Variants in APBB2 observed in about 807,000 individuals in gnomAD.
The protein encoded by APBB2 is amyloid beta precursor protein binding family B member 2, also known as Fe65-like 1.
Under a neutral mutation model 82.5 loss-of-function variants are expected in APBB2, and 38 were observed. The ratio of observed to expected loss-of-function variants is 0.46; its 90% confidence interval spans 0.36 to 0.60. The LOEUF is 0.60. APBB2 is among the 20% of genes least tolerant of loss of function. APBB2 has a pLI of 0.00. For missense variants in APBB2, 772 were observed against 972.3 expected, an observed-to-expected ratio of 0.79 and a Z score of 2.74; for synonymous variants, 341 against 368.2, an observed-to-expected ratio of 0.93 and a Z score of 0.85.
intron 5 of APBB2, among the ~76,000 whole-genome samples, chr4:41,032,652 T>C (rs2154442159): frequency 6.6e-6 from 1 of 152,306 alleles, no homozygotes; most frequent in East Asian, 1.9e-4. Flanking sequence ...TTTGACAGTT[T>C]TAAGCTCCTG....
intron 15 of APBB2, 123 bp downstream of exon 15, chr4:40,825,764 G>T (rs1366969479): frequency 2.7e-6 from 2 of 740,536 alleles, no homozygotes; most frequent in Non-Finnish European, 4.8e-6. Flanking sequence ...GTGACAGTGT[G>T]ACAGTTTGAT....
At chr4:40,920,725 G>A (rs961758062) in intron 10 of APBB2, among the ~76,000 whole-genome samples, 5 of 152,170 alleles carry the variant, frequency 3.3e-5, no homozygotes, top group Non-Finnish European at 7.3e-5. Context: ...TATAAAATTA[G>A]CTGGGCATGG....
At chr4:40,878,082 C>G (rs1199482317) in intron 12 of APBB2, among the ~76,000 whole-genome samples, 2 of 148,468 alleles carry the variant, frequency 1.3e-5, no homozygotes, top group Non-Finnish European at 3.1e-5. Flanking sequence ...CTCGGTGGCT[C>G]ACGCCTGTAA....
chr4:40,880,609 G>C, intron 12 of APBB2: 2 of 985,434 alleles, frequency 2.0e-6, no homozygotes, highest in Non-Finnish European at 2.4e-6. Context: ...TTCCTGGGAT[G>C]CTCCAAGTAT....
At chr4:40,916,430 C>T (rs1779849453) in intron 10 of APBB2, among the ~76,000 whole-genome samples, 1 of 152,208 alleles carries the variant, frequency 6.6e-6, no homozygotes, top group Non-Finnish European at 1.5e-5. Flanking sequence ...GTGTCATGTT[C>T]CTAAGATAGT....
chr4:40,828,031 C>T (rs1750547166), intron 13 of APBB2, among the ~76,000 whole-genome samples: 1 of 152,096 alleles, frequency 6.6e-6, no homozygotes, highest in South Asian at 2.1e-4. Flanking sequence ...TCTCTCTTGC[C>T]TGCTGCCATG....
intron 12 of APBB2, among the ~76,000 whole-genome samples, chr4:40,849,127 G>A (rs1002344693): frequency 6.6e-6 from 1 of 151,880 alleles, no homozygotes; most frequent in African/African-American, 2.4e-5. Context: ...AAACAGTAGG[G>A]AGTTGGCTGG....
intron 4 of APBB2, among the ~76,000 whole-genome samples, chr4:41,050,254 C>G (rs897074076): frequency 6.6e-6 from 1 of 152,092 alleles, no homozygotes; most frequent in South Asian, 2.1e-4. Flanking sequence ...TTCCAAGGTA[C>G]AATACAGAAA....
chr4:41,111,773 A>G (rs552037676), intron 2 of APBB2, among the ~76,000 whole-genome samples: 3 of 152,254 alleles, frequency 2.0e-5, no homozygotes, highest in Non-Finnish European at 2.9e-5. Context: ...AGGTTGGTGA[A>G]TTTAGCAATT....
At chr4:40,989,462 A>G (rs866751621) in intron 6 of APBB2, among the ~76,000 whole-genome samples, 2 of 152,248 alleles carry the variant, frequency 1.3e-5, no homozygotes, top group African/African-American at 4.8e-5. Flanking sequence ...AACAATGTGC[A>G]GATGAGCTTA....
Position 41,032,903 on chromosome 4 carries a change from G to C in APBB2, c.19+333C>G, listed in dbSNP as rs1012273425. On this transcript the variant is annotated intron_variant, in intron 5 of 17. Transcript: ENST00000508593. The stretch of plus-strand genomic sequence containing the variant: ...GGGTTCACGCCATTCTCCTGCCTCA[G>C]CCTCCCGTGTAGCTGGGACTACAGG... Among the ~76,000 whole-genome samples, 4 of 141,306 alleles carry C rather than the reference G, an allele frequency of 2.8e-5. No individual in the cohort carries two copies. The Admixed American group carries it at 3.0e-4, about 11-fold the overall frequency. 92.7% of individuals were successfully genotyped at this position (141,306 alleles called of 152,430 possible).
intron 14 of APBB2, 56 bp downstream of exon 14, chr4:40,827,076 G>T: frequency 1.3e-6 from 2 of 1,513,960 alleles, no homozygotes; most frequent in Non-Finnish European, 1.8e-6. Flanking sequence ...AGAGCCTTCA[G>T]TCCTGGACCA....
At chr4:41,050,565 C>G (rs987590987) in intron 4 of APBB2, among the ~76,000 whole-genome samples, 1 of 152,204 alleles carries the variant, frequency 6.6e-6, no homozygotes, top group Non-Finnish European at 1.5e-5. Flanking sequence ...AAATTCCACA[C>G]GTCACCTGCA....
chr4:40,897,560 C>T (rs935913578), intron 10 of APBB2, among the ~76,000 whole-genome samples: 1 of 152,050 alleles, frequency 6.6e-6, no homozygotes, highest in Non-Finnish European at 1.5e-5. Flanking sequence ...TGAATATAAG[C>T]CTGACATATT....
intron 5 of APBB2, among the ~76,000 whole-genome samples, chr4:41,019,111 G>A (rs1459575777): frequency 6.6e-6 from 1 of 152,212 alleles, no homozygotes; most frequent in Non-Finnish European, 1.5e-5. Flanking sequence ...GAATGCAGAG[G>A]TGGGCAGAGA....
intron 10 of APBB2, among the ~76,000 whole-genome samples, chr4:40,910,950 A>C (rs964756389): frequency 6.6e-6 from 1 of 152,232 alleles, no homozygotes; most frequent in Non-Finnish European, 1.5e-5. Context: ...TTTTTATTGG[A>C]ATAATAGTAA....
chr4:41,114,129 T>A (rs1022809418), intron 2 of APBB2: 2 of 152,240 alleles, frequency 1.3e-5, no homozygotes, highest in Admixed American at 6.5e-5. Flanking sequence ...TCCACCACGA[T>A]CAAGTTGGCT....
chr4:40,995,056 A>G (rs1446937153), intron 6 of APBB2, among the ~76,000 whole-genome samples: 2 of 152,070 alleles, frequency 1.3e-5, no homozygotes, highest in African/African-American at 4.8e-5. Context: ...TCTCAAGGGA[A>G]AGAAGGACAG....
chr4:41,124,305 G>A (rs1345325435), intron 2 of APBB2, among the ~76,000 whole-genome samples: 2 of 151,998 alleles, frequency 1.3e-5, no homozygotes, highest in African/African-American at 2.4e-5. Context: ...TGCAAGCTCC[G>A]CCTCCCGCAT....
Sources: allele counts gnomAD v4.1 joint callset (sites outside exome capture counted in the v4.1 genomes callset), GRCh38; gene constraint gnomAD v4.1.1; transcripts MANE v1.5; gene names NCBI Gene and HGNC (gene_info 2026-07-23, HGNC 2026-07-21).